Variants in CD163L1 observed in about 807,000 individuals in gnomAD.
The protein encoded by CD163L1 is CD163 molecule like 1, also known as scavenger receptor cysteine-rich type 1 protein M160.
CD163L1 carries 124 observed loss-of-function variants against 165.4 expected under a neutral mutation model. The observed-to-expected ratio is 0.75, with a 90% CI of 0.65 to 0.87. The LOEUF (loss-of-function observed/expected upper bound fraction) is 0.87, where lower values mean the gene tolerates loss of function less well. Among genes scored for constraint, CD163L1 ranks in the 40% least tolerant of loss-of-function variants. The pLI, the probability that CD163L1 is intolerant of heterozygous loss-of-function variation, is 0.00. For synonymous variants in CD163L1, 585 were observed against 662.2 expected, an observed-to-expected ratio of 0.88 and a Z score of 1.79; for missense variants, 1,525 against 1,799.9, an observed-to-expected ratio of 0.85 and a Z score of 2.76.
chr12:7,406,837 T>A lies in CD163L1; in HGVS notation c.782A>T (p.Glu261Val). 2 of 1,613,980 alleles carry A rather than the reference T, an allele frequency of 1.2e-6. No homozygotes were observed. Among genetic ancestry groups the A allele is most frequent in the Non-Finnish European group, 1.7e-6 (2 of 1,179,940 alleles). Residue 261 changes from glutamate to valine, a missense_variant, in exon 5 of 20, where the codon GAA becomes GTA. Glu to Val is a moderately radical substitution (Grantham distance 121). Coordinates refer to ENST00000313599, the MANE Select transcript of CD163L1 (RefSeq NM_174941.6). ...TLTCYDSSDLELRLVGGTNRC... is the reference protein window; with the variant it reads ...TLTCYDSSDLVLRLVGGTNRC... ...GTTAGTTCCACCTACAAGCCTTAGTTCAAGATCACTACTATCTGAAACAGA... is the reference window on the plus strand; with the variant it reads ...GTTAGTTCCACCTACAAGCCTTAGTACAAGATCACTACTATCTGAAACAGA...
intron 1 of CD163L1, among the ~76,000 whole-genome samples, chr12:7,442,688 AT>A (rs1948846233): frequency 6.6e-6 from 1 of 152,018 alleles, no homozygotes; most frequent in Non-Finnish European, 1.5e-5. Context: ...TTTTTCTCTT[AT>A]TTCTTTTGTT....
intron 8 of CD163L1, among the ~76,000 whole-genome samples, chr12:7,388,743 C>CA (rs146990548): frequency 0.29 from 26,356 of 91,090 alleles, 3,362 homozygotes; most frequent in African/African-American, 0.46. Flanking sequence ...GATCCAGTTT[C>CA]AAAAAAAAAA....
intron 18 of CD163L1, among the ~76,000 whole-genome samples, chr12:7,364,623 GTAGC>G (rs1224451564): frequency 6.6e-6 from 1 of 152,062 alleles, no homozygotes; most frequent in Non-Finnish European, 1.5e-5. Flanking sequence ...ATAAAAATCA[GTAGC>G]ATTTATATAA....
chr12:7,353,994 C>T (rs937693466), downstream of CD163L1, among the ~76,000 whole-genome samples: 14 of 152,014 alleles, frequency 9.2e-5, no homozygotes, highest in Admixed American at 7.2e-4. Flanking sequence ...ATTTGAAGTA[C>T]AATCTAAAAT....
chr12:7,336,397 C>G, the CD163L1 span, among the ~76,000 whole-genome samples: 1 of 152,086 alleles, frequency 6.6e-6, no homozygotes, highest in Non-Finnish European at 1.5e-5. Context: ...TCTCAGCAAA[C>G]TATTGCGAGG....
At chr12:7,407,522 T>C (rs1301858644) in intron 4 of CD163L1, among the ~76,000 whole-genome samples, 1 of 151,782 alleles carries the variant, frequency 6.6e-6, no homozygotes, top group Non-Finnish European at 1.5e-5. Flanking sequence ...TTTCCTTATT[T>C]CCTTACTTCT....
chr12:7,357,530 T>C (rs745466719), intron 18 of CD163L1, 44 bp from the exon 19 acceptor site: 2 of 1,553,214 alleles, frequency 1.3e-6, no homozygotes, highest in East Asian at 2.2e-5. Flanking sequence ...GTAGAAAACC[T>C]CTCTGCAGAG....
chr12:7,352,739 G>A (rs1946715970), downstream of CD163L1, among the ~76,000 whole-genome samples: 1 of 152,076 alleles, frequency 6.6e-6, no homozygotes, highest in South Asian at 2.1e-4. Context: ...GACATCAGAG[G>A]CTGCATAGTA....
intron 18 of CD163L1, among the ~76,000 whole-genome samples, chr12:7,365,393 C>T (rs1946992330): frequency 6.6e-6 from 1 of 151,974 alleles, no homozygotes; most frequent in Non-Finnish European, 1.5e-5. Flanking sequence ...GCACAGGCCA[C>T]CAAAGCAAAA....
chr12:7,369,062 T>A lies in CD163L1; in HGVS notation c.4040-97A>T. ...GCGATTATCGGATGTCATTTAAATA[T>A]CCTTTTAACATCTCCTGTGAATACT... On this transcript the variant is annotated intron_variant, in intron 15 of 19. Transcript: ENST00000313599. This position sits in a 1 kb window ranked among gnomAD's most constrained non-coding sequence, Gnocchi z 4.9. 7.6e-7 allele frequency: 1 copy of A among 1,313,664 alleles called. No homozygotes were observed. The highest frequency in any genetic ancestry group is 1.2e-5 in the South Asian group (1 of 81,666). The allele number at this position is 1,313,664 out of a possible 1,614,324, so 81.4% of individuals were successfully genotyped here.
rs144651103 is a variant in CD163L1, at chr12:7,393,179, T to C, written c.2050+2916A>G. ...ATCGATGCAAAAATCCTCAATAAAATACTGGCAAACCGAATCCAGCAGCAC... is the reference window on the plus strand; with the variant it reads ...ATCGATGCAAAAATCCTCAATAAAACACTGGCAAACCGAATCCAGCAGCAC... On this transcript the variant is annotated intron_variant, in intron 8 of 19. Transcript: ENST00000313599. 3.3e-5 allele frequency among the ~76,000 whole-genome samples: 5 copies of C among 152,268 alleles called. 1 individual carries two copies. The highest frequency in any genetic ancestry group is 1.2e-4 in the African/African-American group (5 of 41,554).
chr12:7,333,645 C>A, the CD163L1 span, among the ~76,000 whole-genome samples: 1 of 152,102 alleles, frequency 6.6e-6, no homozygotes, highest in Admixed American at 6.6e-5. Context: ...AAGATCAGAG[C>A]AGAACTGAAG....
intron 7 of CD163L1, 23 bp from the exon 8 acceptor site, chr12:7,396,438 A>C: frequency 9.5e-6 from 15 of 1,575,136 alleles, no homozygotes; most frequent in Non-Finnish European, 1.3e-5. Flanking sequence ...CAATGAAGCA[A>C]GTAGTTAATG....
chr12:7,335,729 GAATGGGAGAA>G, the CD163L1 span, among the ~76,000 whole-genome samples: 1 of 152,304 alleles, frequency 6.6e-6, no homozygotes, highest in African/African-American at 2.4e-5. Flanking sequence ...GCAACCTATA[GAATGGGAGAA>G]AATTTTTGCA....
Position 7,396,234 on chromosome 12 carries a change from G to A in CD163L1, c.1911C>T (p.Asn637=), listed in dbSNP as rs767548002. The A allele has an allele frequency of 2.2e-5, 36 of 1,613,982 alleles. No homozygotes were observed. The highest frequency in any genetic ancestry group is 1.8e-4 in the Admixed American group (11 of 59,990). Residue 637 remains asparagine (N), a synonymous_variant, in exon 8 of 20, where the codon AAC becomes AAT. Transcript: ENST00000313599. The part of the protein sequence containing the change: ...PSSIIGMGLG[N]ASTGYGKIWL... ...AAATTTTTCCATATCCTGTAGAAGC[G>A]TTTCCCAGACCCATGCCAATGATAG...
rs1440086052 is a variant in CD163L1 at position 7,372,526 on chromosome 12, T to A, written c.3730+794A>T. 6.6e-6 allele frequency among the ~76,000 whole-genome samples: 1 copy of A among 152,054 alleles called. No homozygotes were observed. The highest frequency in any genetic ancestry group is 1.5e-5 in the Non-Finnish European group (1 of 67,930). ...ACATGATAAAATATTGTATGCCATT[T>A]GAAGGCTATTCATTGAAATTAGAAT... is the stretch of plus-strand genomic sequence containing the variant. On this transcript the variant is annotated intron_variant, in intron 14 of 19. Transcript: ENST00000313599. The surrounding 1 kb of genome is among the most constrained non-coding windows in gnomAD (Gnocchi z 4.2).
the CD163L1 span, chr12:7,327,154 A>G: frequency 6.7e-7 from 1 of 1,491,250 alleles, no homozygotes; most frequent in Non-Finnish European, 9.0e-7. Flanking sequence ...CTAAGCTAGA[A>G]TTAGATTTTA....
chr12:7,337,928 A>G, the CD163L1 span, among the ~76,000 whole-genome samples: 394 of 152,356 alleles, frequency 2.6e-3, 4 homozygotes, highest in African/African-American at 8.5e-3. Flanking sequence ...ATGTCCATCA[A>G]TGATAGACTG....
At chr12:7,426,337 T>C (rs934313512) in intron 4 of CD163L1, among the ~76,000 whole-genome samples, 15 of 152,044 alleles carry the variant, frequency 9.9e-5, no homozygotes, top group African/African-American at 3.6e-4. Context: ...GAATACCTAA[T>C]GCATGTGGGG....
Sources: gnomAD v4.1 joint callset for allele counts (sites outside exome capture counted in the v4.1 genomes callset) on GRCh38, gnomAD v4.1.1 for gene constraint, Gnocchi (gnomAD v3.1) non-coding constraint, MANE v1.5 for transcripts, NCBI Gene and HGNC (gene_info 2026-07-23, HGNC 2026-07-21) for gene names.